The following KIF3A variants were observed in gnomAD, a reference collection of about 807,000 sequenced individuals.
The protein encoded by KIF3A is kinesin-like protein KIF3A.
A neutral mutation model predicts 92.6 loss-of-function variants in KIF3A; 27 were observed. The ratio of observed to expected loss-of-function variants is 0.29; its 90% CI spans 0.21 to 0.40. KIF3A has a LOEUF of 0.40. Among genes scored for constraint, KIF3A ranks in the 10% least tolerant of loss-of-function variants. KIF3A has a pLI of 1.00. For synonymous variants in KIF3A, 250 were observed against 275.4 expected (o/e 0.91, Z 0.92); for missense variants, 581 against 872.6 (o/e 0.67, Z 4.21).
chr5:132,700,403 A>G, intron 16 of KIF3A, 119 bp from the exon 17 acceptor site: 1 of 718,886 alleles, frequency 1.4e-6, no homozygotes, highest in Non-Finnish European at 2.4e-6. Flanking sequence ...TGAATGCTAG[A>G]GCAGAAAGGG....
chr5:132,713,569 A>C lies in KIF3A; in HGVS notation c.1129+2188T>G, dbSNP rs187522513. ...ATGTCATAAGAGCAAAAATGAACTG[A>C]AATGTATTAACAACAGTATTATCAT... is the stretch of plus-strand genomic sequence containing the variant. On this transcript the variant is annotated intron_variant, in intron 8 of 18. Transcript: ENST00000403231. 5.9e-5 allele frequency among the ~76,000 whole-genome samples: 9 copies of C among 152,348 alleles called. No homozygotes were observed. The East Asian group carries it at 1.5e-3, about 26-fold the overall frequency.
chr5:132,732,209 A>G (rs1303332054), intron 2 of KIF3A, among the ~76,000 whole-genome samples: 4 of 152,216 alleles, frequency 2.6e-5, no homozygotes, highest in Admixed American at 2.0e-4. Context: ...AACCTCACAC[A>G]TTGCTGATGG....
chr5:132,718,587 T>C (rs1753715870), intron 5 of KIF3A, among the ~76,000 whole-genome samples: 1 of 152,042 alleles, frequency 6.6e-6, no homozygotes, highest in Non-Finnish European at 1.5e-5. Flanking sequence ...TGGGATTATA[T>C]GCATGAGCCA....
chr5:132,713,202 A>G (rs896493570), intron 8 of KIF3A, among the ~76,000 whole-genome samples: 2 of 152,242 alleles, frequency 1.3e-5, no homozygotes, highest in South Asian at 4.2e-4. Context: ...CAAAACAAAG[A>G]AAGCATGACA....
At chr5:132,704,940 G>C (rs553990100) in intron 11 of KIF3A, among the ~76,000 whole-genome samples, 3 of 151,960 alleles carry the variant, frequency 2.0e-5, no homozygotes, top group South Asian at 4.1e-4. Context: ...AAAAACTCTA[G>C]GGTTTAAAAT....
chr5:132,691,544 TC>T (rs1283810971), downstream of KIF3A, among the ~76,000 whole-genome samples: 3 of 28,488 alleles, frequency 1.1e-4, no homozygotes, highest in East Asian at 3.0e-3. Flanking sequence ...CCAAACTCCA[TC>T]TCAAAAAAAA....
At chr5:132,722,209 A>C (rs1419179597) in intron 4 of KIF3A, among the ~76,000 whole-genome samples, 1 of 152,214 alleles carries the variant, frequency 6.6e-6, no homozygotes, top group African/African-American at 2.4e-5. Context: ...TTAATTCAAA[A>C]TTCAATTAAT....
At chr5:132,726,103 C>T (rs987720710) in intron 4 of KIF3A, 25 bp downstream of exon 4, 1 of 1,513,630 alleles carries the variant, frequency 6.6e-7, no homozygotes, top group South Asian at 1.2e-5. Flanking sequence ...GGAAAAAGTA[C>T]TCCACCAATT....
Position 132,726,368 on chromosome 5 carries a change from C to T in KIF3A, c.411G>A (p.Ala137=), listed in dbSNP as rs766392521. ...TTCCCTTTTACCTTGTATCACCCTC[C>T]GCTTTTGCAATATGACCAAATATGT... ...FAHIFGHIAK[A]EGDTRFLVRV... Residue 137 remains alanine, a synonymous_variant, in exon 3 of 19, where the codon GCG becomes GCA. Transcript: ENST00000403231. 9 of 1,613,550 alleles carry T rather than the reference C, an allele frequency of 5.6e-6. No homozygotes were observed. The highest frequency in any genetic ancestry group is 2.2e-5 in the East Asian group (1 of 44,874).
chr5:132,719,320 AT>A (rs1276958690), intron 5 of KIF3A, among the ~76,000 whole-genome samples: 1 of 151,914 alleles, frequency 6.6e-6, no homozygotes, highest in Non-Finnish European at 1.5e-5. Context: ...TAACATACAT[AT>A]TTTTTGCTAA....
At chr5:132,737,374 G>A in intron 1 of KIF3A, 40 bp downstream of exon 1, 9 of 1,594,980 alleles carry the variant, frequency 5.6e-6, no homozygotes, top group Admixed American at 3.5e-5. Flanking sequence ...CAGGCCGCTA[G>A]GATGAGAAGA....
chr5:132,706,074 T>C (rs1328662710), intron 11 of KIF3A, among the ~76,000 whole-genome samples: 1 of 152,102 alleles, frequency 6.6e-6, no homozygotes, highest in African/African-American at 2.4e-5. Flanking sequence ...TTGTGAACGT[T>C]AACCGGCCAG....
At chr5:132,718,623 G>T (rs1484338301) in intron 5 of KIF3A, among the ~76,000 whole-genome samples, 3 of 147,936 alleles carry the variant, frequency 2.0e-5, no homozygotes, top group East Asian at 2.0e-4. Flanking sequence ...TGTTTTTTTT[G>T]TTGTTGTTTT....
intron 2 of KIF3A, among the ~76,000 whole-genome samples, chr5:132,732,983 G>GT (rs1754283888): frequency 1.3e-5 from 2 of 151,522 alleles, no homozygotes; most frequent in Admixed American, 1.3e-4. Context: ...TGAAAACACT[G>GT]TAAGTGAAAG....
At chr5:132,708,169 C>T (rs906149359) in intron 10 of KIF3A, among the ~76,000 whole-genome samples, 4 of 151,606 alleles carry the variant, frequency 2.6e-5, no homozygotes, top group African/African-American at 9.7e-5. Flanking sequence ...GTAGTCCTAG[C>T]TACTCGGGAA....
chr5:132,716,510 T>C, intron 6 of KIF3A, 68 bp from the exon 7 acceptor site: 1 of 1,326,288 alleles, frequency 7.5e-7, no homozygotes, highest in Non-Finnish European at 1.1e-6. Context: ...TCCCAAGGTT[T>C]TATTAAAAAG....
chr5:132,706,025 C>T (rs558109525), intron 11 of KIF3A, among the ~76,000 whole-genome samples: 1 of 152,078 alleles, frequency 6.6e-6, no homozygotes, highest in South Asian at 2.1e-4. Context: ...TAAGTAGCAA[C>T]ATTTTTTTAT....
chr5:132,702,357 A>G (rs1308409359), intron 14 of KIF3A, 145 bp from the exon 15 acceptor site: 20 of 791,480 alleles, frequency 2.5e-5, no homozygotes, highest in Admixed American at 5.7e-5. Flanking sequence ...TGACACTATC[A>G]GCATCTATTC....
At chr5:132,707,566 T>C (rs746582400) in intron 10 of KIF3A, among the ~76,000 whole-genome samples, 1 of 152,234 alleles carries the variant, frequency 6.6e-6, no homozygotes, top group Non-Finnish European at 1.5e-5. Context: ...CAGTTTATTA[T>C]ACAAAGTAAT....
Sources: allele counts gnomAD v4.1 joint callset (sites outside exome capture counted in the v4.1 genomes callset), GRCh38; gene constraint gnomAD v4.1.1; transcripts MANE v1.5; gene names NCBI Gene and HGNC (gene_info 2026-07-23, HGNC 2026-07-21).